The following EIF4G3 variants were observed in gnomAD, a reference collection of about 807,000 sequenced individuals.
EIF4G3 encodes eIF-4-gamma 3.
Under a neutral mutation model 186.4 loss-of-function variants are expected in EIF4G3, and 34 were observed. That is an observed-to-expected ratio of 0.18 (90% confidence interval 0.14 to 0.24). The LOEUF (loss-of-function observed/expected upper bound fraction) is 0.24, where lower values mean the gene tolerates loss of function less well. Ranked by LOEUF, EIF4G3 falls within the 10% of genes least tolerant of loss-of-function variation. The pLI, the probability that EIF4G3 is intolerant of heterozygous loss-of-function variation, is 1.00. For missense variants in EIF4G3, 1,536 were observed against 1,948.5 expected (o/e 0.79, Z 3.99); for synonymous variants, 673 against 679.5 (o/e 0.99, Z 0.15).
intron 24 of EIF4G3, among the ~76,000 whole-genome samples, chr1:20,859,365 A>G (rs1470862163): frequency 1.3e-5 from 2 of 152,246 alleles, no homozygotes; most frequent in African/African-American, 4.8e-5. Context: ...CAAGAAACTT[A>G]AAAGTAAACT....
intron 4 of EIF4G3, among the ~76,000 whole-genome samples, chr1:21,023,532 T>C (rs1007590865): frequency 1.3e-5 from 2 of 152,062 alleles, no homozygotes; most frequent in African/African-American, 4.8e-5. Flanking sequence ...GGTGCCGGGA[T>C]GGCAGACGGA....
intron 4 of EIF4G3, among the ~76,000 whole-genome samples, chr1:21,043,866 GGC>G (rs200198980): frequency 0.01 from 751 of 72,920 alleles, 27 homozygotes; most frequent in East Asian, 0.041. Flanking sequence ...GTGAAACCTT[GGC>G]GCAAAAAAAA....
intron 30 of EIF4G3, among the ~76,000 whole-genome samples, chr1:20,833,644 T>C (rs1036049011): frequency 2.0e-5 from 3 of 152,182 alleles, no homozygotes; most frequent in Non-Finnish European, 4.4e-5. Flanking sequence ...CAACACTATG[T>C]TGAATAGGAA....
At chr1:20,968,248 C>T (rs1450867754) in intron 12 of EIF4G3, among the ~76,000 whole-genome samples, 3 of 151,576 alleles carry the variant, frequency 2.0e-5, no homozygotes, top group South Asian at 2.1e-4. Context: ...AGCACAATCT[C>T]GGCTCACCAC....
At chr1:21,094,602 C>T (rs1167037388) in intron 2 of EIF4G3, among the ~76,000 whole-genome samples, 6 of 140,754 alleles carry the variant, frequency 4.3e-5, no homozygotes, top group Admixed American at 7.5e-5. Context: ...AAGGGAACAT[C>T]ACACACCGGG....
At chr1:21,135,676 T>TA (rs2097226148) in intron 2 of EIF4G3, among the ~76,000 whole-genome samples, 1 of 152,216 alleles carries the variant, frequency 6.6e-6, no homozygotes, top group South Asian at 2.1e-4. Context: ...CATGTGGTCT[T>TA]ACTACTGATG....
chr1:20,841,249 C>T (rs1023792423), intron 29 of EIF4G3: 2 of 353,900 alleles, frequency 5.7e-6, no homozygotes, highest in Admixed American at 4.6e-5. Context: ...AAGAGCATTA[C>T]AGCCCTTTTC....
chr1:21,091,503 T>C (rs1377072126), intron 2 of EIF4G3, among the ~76,000 whole-genome samples: 2 of 152,086 alleles, frequency 1.3e-5, no homozygotes. Flanking sequence ...CACACGAATA[T>C]GTTTTTCAAA....
At chr1:21,082,821 G>A (rs1037377087) in intron 3 of EIF4G3, among the ~76,000 whole-genome samples, 6 of 151,482 alleles carry the variant, frequency 4.0e-5, no homozygotes, top group Admixed American at 1.3e-4. Flanking sequence ...GGCGGATCAC[G>A]AGGTCAGGAG....
At position 20,854,975 on chromosome 1, in the gene EIF4G3, T is replaced by C; in HGVS notation, c.3433+3A>G. 1 of 1,612,778 alleles carries C rather than the reference T, an allele frequency of 6.2e-7. No homozygotes were observed. The highest frequency in any genetic ancestry group is 8.5e-7 in the Non-Finnish European group (1 of 1,179,000). On this transcript the variant is annotated splice_donor_region_variant and intron_variant, in intron 26 of 36. Coordinates refer to ENST00000602326, the MANE Select transcript of EIF4G3 (RefSeq NM_001391906.1). ...AGGTTTGAGAAGGGACACACACACT[T>C]ACCAGTCTCACTTGCCTTTGCTCCA...
chr1:21,163,828 G>C (rs1179136731), intron 2 of EIF4G3, among the ~76,000 whole-genome samples: 1 of 152,142 alleles, frequency 6.6e-6, no homozygotes, highest in African/African-American at 2.4e-5. Flanking sequence ...CTGGAGTACA[G>C]TGGCGTGATC....
At position 20,853,668 on chromosome 1, in the gene EIF4G3, C is replaced by T. The variant is rs767751266; in HGVS notation, c.3443G>A (p.Arg1148Gln). ...GAKASETDALRSSASSLNRFS... is the reference protein window; with the variant it reads ...GAKASETDALQSSASSLNRFS... The stretch of plus-strand genomic sequence containing the variant: ...TCTGTTTAAACTGGAAGCACTTGAC[C>T]GTAAGGCATCTACACATGTCGAGGA... The change falls in exon 27 of 37, where the codon CGG becomes CAG. Residue 1148 changes from arginine (R) to glutamine (Q), a missense_variant. By Grantham distance (43) the Arg-to-Gln change is conservative. This residue lies in a region of EIF4G3 where 395 missense variants were observed against 498.9 expected (regional missense o/e 0.79). Transcript: ENST00000602326. 7 of 1,611,440 alleles carry T rather than the reference C, an allele frequency of 4.3e-6. No individual in the cohort carries two copies. The highest frequency in any genetic ancestry group is 4.5e-5 in the East Asian group (2 of 44,818).
intron 12 of EIF4G3, among the ~76,000 whole-genome samples, chr1:20,952,018 T>A (rs1212064123): frequency 6.6e-6 from 1 of 152,212 alleles, no homozygotes; most frequent in Admixed American, 6.5e-5. Context: ...TAGCCACAAA[T>A]GCTGGGAAAG....
At chr1:21,111,697 C>T (rs928135564) in intron 2 of EIF4G3, 1 of 158,584 alleles carries the variant, frequency 6.3e-6, no homozygotes, top group African/African-American at 2.4e-5. Context: ...ATGCAATCTG[C>T]TACACATTTG....
At chr1:21,167,032 T>A (rs1391646022) in intron 2 of EIF4G3, among the ~76,000 whole-genome samples, 1 of 152,122 alleles carries the variant, frequency 6.6e-6, no homozygotes, top group Non-Finnish European at 1.5e-5. Flanking sequence ...TCCACCCACC[T>A]TGGGCTCCTG....
intron 21 of EIF4G3, 26 bp from the exon 22 acceptor site, chr1:20,864,738 A>C: frequency 6.4e-7 from 1 of 1,569,480 alleles, no homozygotes; most frequent in Non-Finnish European, 8.8e-7. Context: ...GAATAATAGC[A>C]TCTTGATGAT....
intron 2 of EIF4G3, among the ~76,000 whole-genome samples, chr1:21,125,786 AC>A (rs2097027293): frequency 2.5e-5 from 1 of 40,740 alleles, no homozygotes; most frequent in Non-Finnish European, 6.5e-5. Context: ...ACACACACAC[AC>A]ACACACACAC....
At chr1:20,858,104 C>T (rs2075459056) in intron 24 of EIF4G3, among the ~76,000 whole-genome samples, 1 of 152,316 alleles carries the variant, frequency 6.6e-6, no homozygotes, top group Middle Eastern at 3.4e-3. Flanking sequence ...CGTGTTTTGG[C>T]CTTCCTGCTT....
At chr1:20,994,352 T>C (rs2081808119) in intron 7 of EIF4G3, among the ~76,000 whole-genome samples, 1 of 152,198 alleles carries the variant, frequency 6.6e-6, no homozygotes, top group Non-Finnish European at 1.5e-5. Context: ...CCCCATGTCT[T>C]TCTTCTCCTC....
Sources: gnomAD v4.1 joint callset for allele counts (sites outside exome capture counted in the v4.1 genomes callset) on GRCh38, gnomAD v4.1.1 for gene constraint, gnomAD v4.1.1 regional missense constraint, MANE v1.5 for transcripts, NCBI Gene and HGNC (gene_info 2026-07-23, HGNC 2026-07-21) for gene names.